The following XKR4 variants were observed in gnomAD, a reference collection of about 807,000 sequenced individuals.
XKR4 encodes XK related 4.
XKR4 carries 12 observed loss-of-function variants against 53.9 expected under a neutral mutation model. The observed-to-expected ratio is 0.22, with a 90% CI of 0.14 to 0.36. XKR4 has a LOEUF of 0.36. Among genes scored for constraint, XKR4 ranks in the 10% least tolerant of loss-of-function variants. XKR4 has a pLI of 1.00. For synonymous variants in XKR4, 354 were observed against 362.4 expected, an observed-to-expected ratio of 0.98 and a Z score of 0.26; for missense variants, 799 against 859.5, an observed-to-expected ratio of 0.93 and a Z score of 0.88.
intron 2 of XKR4, among the ~76,000 whole-genome samples, chr8:55,479,730 C>G (rs1371696278): frequency 2.0e-5 from 3 of 152,012 alleles, no homozygotes; most frequent in Non-Finnish European, 4.4e-5. Flanking sequence ...ACCACCAATC[C>G]CACAGAAATA....
rs988744682 is a variant in XKR4, at chr8:55,530,879, AT to A, written c.*6655del. 3.3e-5 allele frequency: 5 copies of A among 151,836 alleles called. No homozygotes were observed. The highest frequency in any genetic ancestry group is 5.9e-5 in the Non-Finnish European group (4 of 67,970). The allele number at this position is 151,836 out of a possible 1,614,324, so 9.4% of individuals were successfully genotyped here. A position where few individuals can be genotyped will look rare whatever the true frequency, so the allele number is the denominator to read the frequency against. ...ATACACTTTTTTTTTTCCCTGAGTC[AT>A]TTATTCAACAAGTTTGACCTCTACA... On this transcript the variant is annotated 3_prime_UTR_variant, in exon 3 of 3. Transcript: ENST00000327381.
At chr8:55,134,214 A>G (rs532811968) in intron 1 of XKR4, among the ~76,000 whole-genome samples, 1 of 152,342 alleles carries the variant, frequency 6.6e-6, no homozygotes, top group South Asian at 2.1e-4. Flanking sequence ...CTAGAAGAGA[A>G]AGCAGGTGAA....
At chr8:55,115,381 TACACAC>T (rs34839811) in intron 1 of XKR4, among the ~76,000 whole-genome samples, 3 of 149,612 alleles carry the variant, frequency 2.0e-5, no homozygotes, top group Non-Finnish European at 4.4e-5. Context: ...GATAGGTGCA[TACACAC>T]ACACACACAC....
chr8:55,364,724 C>G (rs913016510), intron 2 of XKR4, among the ~76,000 whole-genome samples: 1 of 152,112 alleles, frequency 6.6e-6, no homozygotes, highest in Non-Finnish European at 1.5e-5. Flanking sequence ...CCTCTGCCTC[C>G]CGAATTCAAT....
At chr8:55,229,746 C>T (rs947935748) in intron 1 of XKR4, among the ~76,000 whole-genome samples, 3 of 152,174 alleles carry the variant, frequency 2.0e-5, no homozygotes, top group Non-Finnish European at 4.4e-5. Flanking sequence ...TGGGTTTTCC[C>T]ATAGGATCAC....
intron 2 of XKR4, chr8:55,450,417 C>A: frequency 1.7e-6 from 1 of 575,974 alleles, no homozygotes; most frequent in South Asian, 1.9e-5. Context: ...ACATGGCTGT[C>A]CTCTTGCTCA....
At chr8:55,305,113 C>G (rs1819275874) in intron 1 of XKR4, among the ~76,000 whole-genome samples, 1 of 152,082 alleles carries the variant, frequency 6.6e-6, no homozygotes. Context: ...GGTCTAGAAC[C>G]CACTGTTCTG....
chr8:55,141,291 A>G (rs995279951), intron 1 of XKR4, among the ~76,000 whole-genome samples: 3 of 151,984 alleles, frequency 2.0e-5, no homozygotes, highest in African/African-American at 7.3e-5. Flanking sequence ...CCCTCTCCAG[A>G]CGCATCTCCT....
At chr8:55,135,039 T>C (rs981456762) in intron 1 of XKR4, among the ~76,000 whole-genome samples, 1 of 151,776 alleles carries the variant, frequency 6.6e-6, no homozygotes, top group Non-Finnish European at 1.5e-5. Context: ...GATAAATATA[T>C]GCATACCTGT....
At chr8:55,266,530 A>G (rs1288256514) in intron 1 of XKR4, among the ~76,000 whole-genome samples, 4 of 152,168 alleles carry the variant, frequency 2.6e-5, no homozygotes, top group East Asian at 3.9e-4. Context: ...CTTTTGAAAG[A>G]AGATAGAAAC....
chr8:55,306,798 A>G (rs947835202), intron 1 of XKR4, among the ~76,000 whole-genome samples: 1 of 152,220 alleles, frequency 6.6e-6, no homozygotes, highest in African/African-American at 2.4e-5. Flanking sequence ...GATTTTTGGC[A>G]AAGGTACAAA....
chr8:55,496,517 G>A (rs1404900986), intron 2 of XKR4, among the ~76,000 whole-genome samples: 1 of 152,134 alleles, frequency 6.6e-6, no homozygotes, highest in Non-Finnish European at 1.5e-5. Context: ...TTAGGGCATT[G>A]ATAATACATT....
At chr8:55,395,595 G>A (rs1467212465) in intron 2 of XKR4, among the ~76,000 whole-genome samples, 2 of 152,138 alleles carry the variant, frequency 1.3e-5, no homozygotes, top group African/African-American at 4.8e-5. Context: ...GTCTTTGAGA[G>A]GAGAATGGCC....
intron 1 of XKR4, among the ~76,000 whole-genome samples, chr8:55,294,428 C>A (rs142571921): frequency 6.6e-6 from 1 of 152,304 alleles, no homozygotes; most frequent in East Asian, 1.9e-4. Context: ...CGCTAATCTC[C>A]TCCACCTTAC....
At chr8:55,368,852 A>T (rs1804030355) in intron 2 of XKR4, among the ~76,000 whole-genome samples, 2 of 152,196 alleles carry the variant, frequency 1.3e-5, no homozygotes, top group Admixed American at 6.5e-5. Flanking sequence ...CAGACTGCTC[A>T]CAAGTTCCTG....
chr8:55,397,248 T>A (rs1164748606), intron 2 of XKR4, among the ~76,000 whole-genome samples: 5 of 152,242 alleles, frequency 3.3e-5, no homozygotes, highest in Non-Finnish European at 5.9e-5. Context: ...AGACTCTGTG[T>A]TTGCGTAAAT....
chr8:55,264,557 A>G (rs1268093997), intron 1 of XKR4, among the ~76,000 whole-genome samples: 1 of 152,246 alleles, frequency 6.6e-6, no homozygotes, highest in African/African-American at 2.4e-5. Context: ...ATAAACTGGT[A>G]AAGTCAATGT....
intron 1 of XKR4, among the ~76,000 whole-genome samples, chr8:55,129,633 G>A (rs6984452): frequency 0.034 from 5,239 of 152,248 alleles, 291 homozygotes; most frequent in African/African-American, 0.12. Context: ...TGACCCTGAG[G>A]ACCAGAAGAG....
intron 2 of XKR4, among the ~76,000 whole-genome samples, chr8:55,461,470 C>A (rs1189462830): frequency 6.6e-6 from 1 of 152,194 alleles, no homozygotes; most frequent in African/African-American, 2.4e-5. Context: ...AAAAACCCAA[C>A]TGTACATCAC....
Sources: allele counts gnomAD v4.1 joint callset (sites outside exome capture counted in the v4.1 genomes callset), GRCh38; gene constraint gnomAD v4.1.1; transcripts MANE v1.5; gene names NCBI Gene and HGNC (gene_info 2026-07-23, HGNC 2026-07-21).